ADARB2: variants seen among roughly 807,000 people sequenced by gnomAD.
ADARB2 encodes the protein adenosine deaminase RNA specific B2 (inactive), also known as inactive double-stranded RNA-specific editase B2.
A neutral mutation model predicts 62.2 loss-of-function variants in ADARB2; 25 were observed. The observed-to-expected ratio is 0.40, with a 90% CI of 0.29 to 0.56. ADARB2 has a LOEUF of 0.56. Ranked by LOEUF, ADARB2 falls within the 20% of genes least tolerant of loss-of-function variation. ADARB2 has a pLI of 0.43. For synonymous variants in ADARB2, 572 were observed against 500.8 expected, an observed-to-expected ratio of 1.14 and a Z score of -1.90; for missense variants, 1,071 against 1,077.4, an observed-to-expected ratio of 0.99 and a Z score of 0.08.
At chr10:1,594,823 C>T (rs922035604) in intron 1 of ADARB2, among the ~76,000 whole-genome samples, 7 of 152,166 alleles carry the variant, frequency 4.6e-5, no homozygotes, top group Admixed American at 6.5e-5. Context: ...TTGCACAATC[C>T]GGGCTCCCTT....
chr10:1,343,849 C>T (rs773205046), intron 3 of ADARB2, among the ~76,000 whole-genome samples: 4 of 152,128 alleles, frequency 2.6e-5, no homozygotes, highest in Non-Finnish European at 5.9e-5. Flanking sequence ...AATGGGGGAG[C>T]AACAGATACT....
intron 1 of ADARB2, among the ~76,000 whole-genome samples, chr10:1,389,393 G>A (rs1832550073): frequency 6.6e-6 from 1 of 152,162 alleles, no homozygotes; most frequent in Non-Finnish European, 1.5e-5. Flanking sequence ...CAAGATGACT[G>A]TTTTGTATCC....
intron 4 of ADARB2, among the ~76,000 whole-genome samples, chr10:1,257,558 G>A (rs1459410633): frequency 1.3e-5 from 2 of 152,238 alleles, no homozygotes; most frequent in African/African-American, 2.4e-5. Context: ...AGCTGCTGCA[G>A]GGGCTGGGTC....
chr10:1,399,562 TCC>T (rs1314914460), intron 1 of ADARB2, among the ~76,000 whole-genome samples: 1 of 152,052 alleles, frequency 6.6e-6, no homozygotes, highest in East Asian at 1.9e-4. Flanking sequence ...CCTCTCAGCT[TCC>T]CGGGAAGTGG....
chr10:1,217,397 T>A (rs1830642263), intron 6 of ADARB2, among the ~76,000 whole-genome samples: 1 of 152,224 alleles, frequency 6.6e-6, no homozygotes, highest in Admixed American at 6.5e-5. Flanking sequence ...CCCGCCTCTG[T>A]TGCGTGAGTG....
intron 3 of ADARB2, among the ~76,000 whole-genome samples, chr10:1,355,330 G>C (rs1412608083): frequency 3.3e-5 from 5 of 152,226 alleles, no homozygotes; most frequent in Non-Finnish European, 5.9e-5. Context: ...TCTTGAGGAT[G>C]AGCCCCAGCC....
chr10:1,666,720 C>T (rs1024380914), intron 1 of ADARB2, among the ~76,000 whole-genome samples: 4 of 152,120 alleles, frequency 2.6e-5, no homozygotes, highest in South Asian at 2.1e-4. Context: ...ACTGGAAATG[C>T]GGGAACCCAC....
intron 3 of ADARB2, among the ~76,000 whole-genome samples, chr10:1,321,480 A>G (rs750342609): frequency 6.6e-6 from 1 of 152,152 alleles, no homozygotes; most frequent in Non-Finnish European, 1.5e-5. Flanking sequence ...TCCTGGGCTC[A>G]AGTGATCCTC....
intron 3 of ADARB2, among the ~76,000 whole-genome samples, chr10:1,351,699 C>G (rs540189360): frequency 1.4e-4 from 21 of 151,962 alleles, no homozygotes; most frequent in African/African-American, 4.1e-4. Flanking sequence ...ACCTAATCAC[C>G]GTTACCCCAC....
chr10:1,542,980 C>T (rs572884177), intron 1 of ADARB2, among the ~76,000 whole-genome samples: 2 of 152,384 alleles, frequency 1.3e-5, no homozygotes, highest in South Asian at 2.1e-4. Context: ...CACAGCTGTC[C>T]GTCCGCCCGA....
intron 1 of ADARB2, among the ~76,000 whole-genome samples, chr10:1,444,526 C>T (rs1440014257): frequency 6.7e-6 from 1 of 149,222 alleles, no homozygotes; most frequent in Non-Finnish European, 1.5e-5. Context: ...ACTCATCCAT[C>T]CACTCACAAT....
At chr10:1,338,163 T>C (rs1831991562) in intron 3 of ADARB2, among the ~76,000 whole-genome samples, 1 of 152,232 alleles carries the variant, frequency 6.6e-6, no homozygotes, top group Non-Finnish European at 1.5e-5. Context: ...GACAGTTCGT[T>C]AAAAATAGGG....
chr10:1,678,825 C>A (rs1394886354), intron 1 of ADARB2, among the ~76,000 whole-genome samples: 1 of 151,980 alleles, frequency 6.6e-6, no homozygotes, highest in African/African-American at 2.4e-5. Context: ...CACCAAGCCC[C>A]CTCTCCCGGG....
chr10:1,427,514 C>T (rs1832902547), intron 1 of ADARB2, among the ~76,000 whole-genome samples: 1 of 152,210 alleles, frequency 6.6e-6, no homozygotes, highest in South Asian at 2.1e-4. Flanking sequence ...CAAATTAAAA[C>T]TACAGTGAGA....
intron 4 of ADARB2, among the ~76,000 whole-genome samples, chr10:1,245,331 TTTTC>T (rs1466023248): frequency 2.6e-5 from 4 of 152,266 alleles, no homozygotes; most frequent in Admixed American, 6.5e-5. Flanking sequence ...ATTTTTTGTT[TTTTC>T]TTTTTCTTTT....
intron 3 of ADARB2, among the ~76,000 whole-genome samples, chr10:1,315,521 T>G (rs1284997775): frequency 6.6e-6 from 1 of 152,234 alleles, no homozygotes; most frequent in Non-Finnish European, 1.5e-5. Context: ...TTTTTAATTC[T>G]AAACAGTCAA....
chr10:1,572,871 A>T (rs893110311), intron 1 of ADARB2, among the ~76,000 whole-genome samples: 1 of 152,188 alleles, frequency 6.6e-6, no homozygotes, highest in African/African-American at 2.4e-5. Flanking sequence ...GCTCTTCTGC[A>T]CCCACGTACA....
chr10:1,294,189 G>C (rs1175320662), intron 3 of ADARB2, among the ~76,000 whole-genome samples: 1 of 152,202 alleles, frequency 6.6e-6, no homozygotes, highest in Non-Finnish European at 1.5e-5. Flanking sequence ...ATGAGTGACT[G>C]CCGATAGAAT....
At chr10:1,321,557 A>G (rs1564256509) in intron 3 of ADARB2, among the ~76,000 whole-genome samples, 1 of 151,796 alleles carries the variant, frequency 6.6e-6, no homozygotes, top group South Asian at 2.1e-4. Flanking sequence ...ATATTTTCAA[A>G]TTTTTTTGTA....
Sources: allele counts gnomAD v4.1 joint callset (sites outside exome capture counted in the v4.1 genomes callset), GRCh38; gene constraint gnomAD v4.1.1; transcripts MANE v1.5; gene names NCBI Gene and HGNC (gene_info 2026-07-23, HGNC 2026-07-21).